The following LARGE1 variants were observed in gnomAD, a reference collection of about 807,000 sequenced individuals.
The protein encoded by LARGE1 is LARGE xylosyl- and glucuronyltransferase 1.
LARGE1 carries 43 observed loss-of-function variants against 87.6 expected under a neutral mutation model. The ratio of observed to expected loss-of-function variants is 0.49; its 90% CI spans 0.38 to 0.63. The LOEUF is 0.63. Among genes scored for constraint, LARGE1 ranks in the 30% least tolerant of loss-of-function variants. The pLI is 0.00. For synonymous variants in LARGE1, 434 were observed against 394.6 expected (o/e 1.10, Z -1.18); for missense variants, 802 against 1,000.2 (o/e 0.80, Z 2.67).
chr22:33,228,096 C>T (rs77729867), intron 11 of LARGE1, among the ~76,000 whole-genome samples: 2,204 of 152,342 alleles, frequency 0.014, 29 homozygotes, highest in Middle Eastern at 0.024. Flanking sequence ...AATACTGGCT[C>T]TACCACTTGT....
chr22:33,525,136 G>A (rs746584463), intron 6 of LARGE1, among the ~76,000 whole-genome samples: 4 of 152,164 alleles, frequency 2.6e-5, no homozygotes, highest in Admixed American at 6.5e-5. Context: ...ATTAGGGCAC[G>A]GAGGAAGGAG....
At chr22:33,801,288 T>C (rs534199478) in intron 1 of LARGE1, among the ~76,000 whole-genome samples, 1 of 152,306 alleles carries the variant, frequency 6.6e-6, no homozygotes, top group South Asian at 2.1e-4. Context: ...TGGTATATAT[T>C]TAACTTTTTA....
At chr22:33,778,167 A>G (rs1415433657) in intron 1 of LARGE1, among the ~76,000 whole-genome samples, 3 of 152,208 alleles carry the variant, frequency 2.0e-5, no homozygotes, top group Non-Finnish European at 1.5e-5. Context: ...TCACAGAAAA[A>G]GTCTCTATAA....
chr22:33,386,022 G>A (rs1033373), intron 7 of LARGE1, among the ~76,000 whole-genome samples: 36,104 of 148,002 alleles, frequency 0.24, 7,582 homozygotes, highest in African/African-American at 0.46. Flanking sequence ...TTGGCCAGGT[G>A]GAGTTGGAAA....
the LARGE1 span, among the ~76,000 whole-genome samples, chr22:33,147,040 A>G: frequency 4.7e-4 from 72 of 152,302 alleles, no homozygotes; most frequent in South Asian, 2.3e-3. Flanking sequence ...TCATAATGTC[A>G]GTGAAATTCA....
At chr22:33,503,728 G>A (rs1006244182) in intron 6 of LARGE1, among the ~76,000 whole-genome samples, 2 of 151,512 alleles carry the variant, frequency 1.3e-5, no homozygotes, top group Non-Finnish European at 2.9e-5. Flanking sequence ...GAACCCGGGA[G>A]GTGGAGGTTG....
In LARGE1 at chr22:33,513,184, T is replaced by C. The variant is rs546552912; in HGVS notation, c.787+51664A>G. ...GAAAGGCACCGCGGGAGAAGCCCTT[T>C]TGCAGAAAAGGAATCTTGTGCTGGC... On this transcript the variant is annotated intron_variant, in intron 6 of 14. Coordinates refer to ENST00000397394, the MANE Select transcript of LARGE1 (RefSeq NM_133642.5). Among the ~76,000 whole-genome samples, 3 of 152,322 alleles carry C rather than the reference T, an allele frequency of 2.0e-5. No homozygotes were observed. In the South Asian group the frequency reaches 6.2e-4, roughly 32 times the overall value.
intron 7 of LARGE1, among the ~76,000 whole-genome samples, chr22:33,407,749 A>T (rs535028494): frequency 1.6e-4 from 25 of 152,062 alleles, no homozygotes; most frequent in Admixed American, 1.6e-3. Context: ...CGGTCAGCAA[A>T]TTTTTTCTGA....
chr22:33,584,888 T>A (rs964984938), intron 5 of LARGE1, among the ~76,000 whole-genome samples: 1 of 152,122 alleles, frequency 6.6e-6, no homozygotes, highest in African/African-American at 2.4e-5. Context: ...AGGCTGAGGC[T>A]GGCAGATCAC....
chr22:33,333,209 AG>A (rs1443335204), intron 10 of LARGE1, among the ~76,000 whole-genome samples: 1 of 152,026 alleles, frequency 6.6e-6, no homozygotes, highest in East Asian at 1.9e-4. Context: ...TTAGAGAGAC[AG>A]GGTTTCACCG....
At chr22:33,876,879 G>A (rs568387031) in intron 1 of LARGE1, among the ~76,000 whole-genome samples, 1 of 151,122 alleles carries the variant, frequency 6.6e-6, no homozygotes, top group East Asian at 1.9e-4. Flanking sequence ...AAAAAGCATT[G>A]GCATGGGACA....
intron 1 of LARGE1, among the ~76,000 whole-genome samples, chr22:33,851,796 T>C (rs2063590263): frequency 6.6e-6 from 1 of 152,236 alleles, no homozygotes; most frequent in South Asian, 2.1e-4. Flanking sequence ...AGCAGAAATT[T>C]TATGATGACG....
At chr22:33,462,415 C>G (rs906256328) in intron 6 of LARGE1, among the ~76,000 whole-genome samples, 10 of 152,062 alleles carry the variant, frequency 6.6e-5, no homozygotes, top group African/African-American at 2.4e-4. Context: ...GGAAAATAAT[C>G]CCAGAAGGAA....
In LARGE1 at chr22:33,615,671, C is replaced by CA. The variant is rs3072281; in HGVS notation, c.491+10572dup. Among the ~76,000 whole-genome samples, 334 of 134,576 alleles carry CA rather than the reference C, an allele frequency of 2.5e-3. 1 individual carries two copies. The highest frequency in any genetic ancestry group is 0.012 in the South Asian group (50 of 4,236). The allele number at this position is 134,576 out of a possible 152,430, so 88.3% of individuals were successfully genotyped here. A position where few individuals can be genotyped will look rare whatever the true frequency, so the allele number is the denominator to read the frequency against. Reference sequence around the variant, plus strand: ...GAAATAAATTAGTGTTAAGGAAAAACAAAAAAAAAAAAAAAAGGAAGAAAC... The same window carrying CA: ...GAAATAAATTAGTGTTAAGGAAAAACAAAAAAAAAAAAAAAAAGGAAGAAAC... On this transcript the variant is annotated intron_variant, in intron 4 of 14. Transcript: ENST00000397394.
At chr22:33,814,143 C>T (rs892029932) in intron 1 of LARGE1, among the ~76,000 whole-genome samples, 8 of 152,138 alleles carry the variant, frequency 5.3e-5, no homozygotes, top group South Asian at 2.1e-4. Context: ...TCGACCATTT[C>T]AAATTCCAGA....
chr22:33,536,864 T>C (rs1010408627), intron 6 of LARGE1, among the ~76,000 whole-genome samples: 6 of 152,188 alleles, frequency 3.9e-5, no homozygotes, highest in African/African-American at 1.4e-4. Flanking sequence ...CAGGCCGGAG[T>C]GCGATGGTGC....
At chr22:33,850,290 G>C (rs1219906207) in intron 1 of LARGE1, among the ~76,000 whole-genome samples, 1 of 152,118 alleles carries the variant, frequency 6.6e-6, no homozygotes, top group African/African-American at 2.4e-5. Flanking sequence ...TAAAAGACGA[G>C]TGTTCTAGAT....
chr22:33,278,031 T>C (rs929779324), intron 13 of LARGE1, among the ~76,000 whole-genome samples: 16 of 152,166 alleles, frequency 1.1e-4, no homozygotes, highest in African/African-American at 3.6e-4. Context: ...TTATGGTACA[T>C]TATATGGCAG....
intron 9 of LARGE1, among the ~76,000 whole-genome samples, chr22:33,351,954 G>C (rs1211160851): frequency 6.6e-6 from 1 of 151,974 alleles, no homozygotes; most frequent in Non-Finnish European, 1.5e-5. Context: ...GGCCAAGATG[G>C]TCTAGATCTC....
Sources: gnomAD v4.1 joint callset for allele counts (sites outside exome capture counted in the v4.1 genomes callset) on GRCh38, gnomAD v4.1.1 for gene constraint, MANE v1.5 for transcripts, NCBI Gene and HGNC (gene_info 2026-07-23, HGNC 2026-07-21) for gene names.